The following FHIT variants were observed in gnomAD, a reference collection of about 807,000 sequenced individuals.
FHIT encodes fragile histidine triad diadenosine triphosphatase.
Under a neutral mutation model 17.9 loss-of-function variants are expected in FHIT, and 19 were observed. That is an observed-to-expected ratio of 1.06 (90% CI 0.74 to 1.56). FHIT has a LOEUF of 1.56. Ranked by LOEUF, FHIT falls within the 40% of genes most tolerant of loss-of-function variation. The pLI, the probability that FHIT is intolerant of heterozygous loss-of-function variation, is 0.00. For synonymous variants in FHIT, 81 were observed against 69.7 expected, an observed-to-expected ratio of 1.16 and a Z score of -0.81; for missense variants, 248 against 189.2, an observed-to-expected ratio of 1.31 and a Z score of -1.82.
intron 5 of FHIT, among the ~76,000 whole-genome samples, chr3:60,194,067 TTCACAGAAATAGAAAAC>T (rs1220638012): frequency 6.6e-6 from 1 of 152,152 alleles, no homozygotes. Context: ...AACCATTTTT[TTCACAGAAATAGAAAAC>T]TCAATCCTAA....
Position 60,123,746 on chromosome 3 carries a change from TTTAAG to T in FHIT, c.104-109599_104-109595del, listed in dbSNP as rs1705364423. On this transcript the variant is annotated intron_variant, in intron 5 of 9. Coordinates refer to ENST00000492590, the MANE Select transcript of FHIT (RefSeq NM_002012.4). ...ATCATGAGAGAACGCCAGTGCCCAC[TTTAAG>T]TTTAGTGGATTAAGCAGACCACTGC... is the stretch of plus-strand genomic sequence containing the variant. Among the ~76,000 whole-genome samples the T allele has an allele frequency of 1.3e-5, 2 of 151,562 alleles. 1 individual carries two copies. The highest frequency in any genetic ancestry group is 1.3e-4 in the Admixed American group (2 of 15,190).
intron 5 of FHIT, among the ~76,000 whole-genome samples, chr3:60,175,700 G>C (rs1420348782): frequency 6.6e-6 from 1 of 152,056 alleles, no homozygotes; most frequent in Non-Finnish European, 1.5e-5. Flanking sequence ...TTTCAGAAGG[G>C]CAACAAGAAC....
chr3:60,185,846 A>G (rs1702136809), intron 5 of FHIT, among the ~76,000 whole-genome samples: 1 of 152,188 alleles, frequency 6.6e-6, no homozygotes, highest in African/African-American at 2.4e-5. Flanking sequence ...ATTGTCACAC[A>G]CCAGTGGCTG....
chr3:60,487,920 CA>C (rs1486914532), intron 5 of FHIT, among the ~76,000 whole-genome samples: 2 of 152,142 alleles, frequency 1.3e-5, no homozygotes, highest in African/African-American at 2.4e-5. Context: ...CCAGCCAAAG[CA>C]AATAGAATTT....
At chr3:59,870,669 T>C (rs1316738525) in intron 8 of FHIT, among the ~76,000 whole-genome samples, 1 of 152,170 alleles carries the variant, frequency 6.6e-6, no homozygotes, top group Non-Finnish European at 1.5e-5. Flanking sequence ...CCTGTTAAGG[T>C]ACCATGCATG....
rs1012733733 is a variant in FHIT at position 60,510,721 on chromosome 3, C to T, written c.103+26139G>A. Among the ~76,000 whole-genome samples the T allele has an allele frequency of 3.3e-5, 5 of 151,742 alleles. No homozygotes were observed. The East Asian group carries it at 9.8e-4, about 30-fold the overall frequency. On this transcript the variant is annotated intron_variant, in intron 5 of 9. Coordinates refer to ENST00000492590, the MANE Select transcript of FHIT (RefSeq NM_002012.4). ...TTGAACCTGCTCCCCCACCTCCCCC[C>T]ACACACACAATATAGAAATACCTAA...
chr3:60,162,410 C>A (rs925202049), intron 5 of FHIT, among the ~76,000 whole-genome samples: 2 of 152,112 alleles, frequency 1.3e-5, no homozygotes, highest in Admixed American at 1.3e-4. Flanking sequence ...TTCTCAAGTG[C>A]TTGTTTATTT....
chr3:61,082,559 A>G (rs1328129133), intron 2 of FHIT, among the ~76,000 whole-genome samples: 1 of 152,218 alleles, frequency 6.6e-6, no homozygotes, highest in African/African-American at 2.4e-5. Context: ...TTTTTAGCGT[A>G]TATCTAGTAG....
intron 7 of FHIT, among the ~76,000 whole-genome samples, chr3:60,009,717 G>T (rs186030403): frequency 2.6e-4 from 40 of 152,182 alleles, no homozygotes; most frequent in Non-Finnish European, 4.6e-4. Flanking sequence ...TCACAATGTT[G>T]CACAACCATC....
At chr3:60,874,825 GGTGTT>G (rs1239847108) in intron 3 of FHIT, among the ~76,000 whole-genome samples, 1 of 152,064 alleles carries the variant, frequency 6.6e-6, no homozygotes, top group Non-Finnish European at 1.5e-5. Context: ...TCTGAGGCAG[GGTGTT>G]GTCATGGAAT....
At chr3:60,613,794 TC>T (rs1553674650) in intron 4 of FHIT, among the ~76,000 whole-genome samples, 3 of 152,132 alleles carry the variant, frequency 2.0e-5, no homozygotes, top group African/African-American at 7.2e-5. Context: ...TAGTAGCTTC[TC>T]CCCATGCAAC....
intron 5 of FHIT, among the ~76,000 whole-genome samples, chr3:60,432,244 G>A (rs1215209491): frequency 1.3e-5 from 2 of 152,102 alleles, no homozygotes; most frequent in Non-Finnish European, 2.9e-5. Context: ...CCAAAGTACT[G>A]GGATTAGAGG....
Position 61,234,011 on chromosome 3 carries a change from A to G in FHIT, c.-213+17290T>C, listed in dbSNP as rs142680057. ...TGAAAGCATTTGAAGCTGACATAGT[A>G]ACCTATTAAATAATACATGACACAT... On this transcript the variant is annotated intron_variant, in intron 1 of 9. Transcript: ENST00000492590. Among the ~76,000 whole-genome samples the G allele has an allele frequency of 4.4e-3, 665 of 152,380 alleles. 6 individuals carry two copies. Among genetic ancestry groups the G allele is most frequent in the African/African-American group, 0.015 (637 of 41,596 alleles).
chr3:60,512,512 T>C (rs916345764), intron 5 of FHIT, among the ~76,000 whole-genome samples: 5 of 152,250 alleles, frequency 3.3e-5, no homozygotes, highest in Non-Finnish European at 7.3e-5. Flanking sequence ...TTCAGCTTTG[T>C]CTTTGAATTT....
At position 59,942,416 on chromosome 3, in the gene FHIT, C is replaced by A. The variant is rs889933651; in HGVS notation, c.280-20002G>T. Among the ~76,000 whole-genome samples the A allele has an allele frequency of 5.9e-5, 9 of 152,158 alleles. 1 individual carries two copies. Among genetic ancestry groups the A allele is most frequent in the Non-Finnish European group, 1.5e-5 (1 of 68,030 alleles). On this transcript the variant is annotated intron_variant, in intron 7 of 9. Transcript: ENST00000492590. ...GTCTCATTTTCACCCTCCTCATACG[C>A]CTGTGGACAAGTTTGTCAGACCATT...
intron 8 of FHIT, among the ~76,000 whole-genome samples, chr3:59,779,876 A>G (rs1423362226): frequency 6.6e-6 from 1 of 152,222 alleles, no homozygotes; most frequent in African/African-American, 2.4e-5. Context: ...CTCCCATCCC[A>G]TGAGAGGAGA....
intron 5 of FHIT, among the ~76,000 whole-genome samples, chr3:60,507,610 C>A (rs2034786625): frequency 6.6e-6 from 1 of 152,088 alleles, no homozygotes. Flanking sequence ...CAGATTATTT[C>A]ATCACCCAGG....
At chr3:61,153,000 G>A (rs563319735) in intron 2 of FHIT, among the ~76,000 whole-genome samples, 10 of 152,074 alleles carry the variant, frequency 6.6e-5, no homozygotes, top group South Asian at 2.1e-4. Flanking sequence ...AAAATCAGCC[G>A]GGCGTGGTGA....
In FHIT at chr3:60,064,875, C is replaced by T. The variant is rs545485008; in HGVS notation, c.104-50723G>A. 3.6e-4 allele frequency among the ~76,000 whole-genome samples: 55 copies of T among 152,226 alleles called. 1 individual carries two copies. The highest frequency in any genetic ancestry group is 9.8e-4 in the Admixed American group (15 of 15,290). On this transcript the variant is annotated intron_variant, in intron 5 of 9. Transcript: ENST00000492590. ...TCTCATTTACTTCTCATTTAAAATG[C>T]CATTGGTTAATATCATAATCTTCCC...
Sources: allele counts gnomAD v4.1 joint callset (sites outside exome capture counted in the v4.1 genomes callset), GRCh38; gene constraint gnomAD v4.1.1; transcripts MANE v1.5; gene names NCBI Gene and HGNC (gene_info 2026-07-23, HGNC 2026-07-21).